The following UNC5D variants were observed in gnomAD, a reference collection of about 807,000 sequenced individuals.
UNC5D encodes the protein netrin receptor UNC5D.
In UNC5D, 39 loss-of-function variants were observed where a neutral mutation model predicts 105.4. The observed-to-expected ratio is 0.37, with a 90% CI of 0.29 to 0.48. The LOEUF is 0.48. Ranked by LOEUF, UNC5D falls within the 20% of genes least tolerant of loss-of-function variation. UNC5D has a pLI of 0.98. For missense variants in UNC5D, 991 were observed against 1,202.4 expected (o/e 0.82, Z 2.60); for synonymous variants, 452 against 450.4 (o/e 1.00, Z -0.04).
At chr8:35,377,787 T>G (rs761863775) in intron 1 of UNC5D, among the ~76,000 whole-genome samples, 1 of 152,218 alleles carries the variant, frequency 6.6e-6, no homozygotes, top group Non-Finnish European at 1.5e-5. Flanking sequence ...GGGTCATATC[T>G]AGACTTTTTA....
intron 7 of UNC5D, among the ~76,000 whole-genome samples, chr8:35,695,348 T>G (rs764586845): frequency 1.3e-5 from 2 of 152,122 alleles, no homozygotes; most frequent in South Asian, 4.1e-4. Flanking sequence ...AATCTTATGA[T>G]TCTAACTAAC....
At chr8:35,424,246 AC>A (rs1406922556) in intron 1 of UNC5D, among the ~76,000 whole-genome samples, 1 of 152,240 alleles carries the variant, frequency 6.6e-6, no homozygotes, top group African/African-American at 2.4e-5. Context: ...CCACATATAT[AC>A]TTTTAAATGT....
intron 1 of UNC5D, among the ~76,000 whole-genome samples, chr8:35,248,107 AT>A (rs1428255134): frequency 1.5e-4 from 11 of 73,052 alleles, no homozygotes; most frequent in African/African-American, 5.4e-4. Flanking sequence ...TATATTATAT[AT>A]AAAAAATATA....
At chr8:35,443,125 C>T (rs1478660023) in intron 1 of UNC5D, among the ~76,000 whole-genome samples, 3 of 151,732 alleles carry the variant, frequency 2.0e-5, no homozygotes, top group Non-Finnish European at 2.9e-5. Context: ...GTCAGGTATC[C>T]GAAGCTTATT....
In UNC5D at chr8:35,367,129, G is replaced by T. The variant is rs531925402; in HGVS notation, c.103+131242G>T. Among the ~76,000 whole-genome samples, 5 of 152,248 alleles carry T rather than the reference G, an allele frequency of 3.3e-5. No individual in the cohort carries two copies. The South Asian group carries it at 1.0e-3, about 32-fold the overall frequency. On this transcript the variant is annotated intron_variant, in intron 1 of 16. Transcript: ENST00000404895. ...GCTGTTCATTGTGAATCTCTCAGGG[G>T]ATATAGTAAAGAGCATTTCCAACTT...
chr8:35,318,053 C>T (rs3108618), intron 1 of UNC5D, among the ~76,000 whole-genome samples: 124,611 of 151,898 alleles, frequency 0.82, 51,570 homozygotes, highest in East Asian at 1. Context: ...GATACTCTGT[C>T]TCTGAAAGGG....
At chr8:35,721,253 T>C (rs1351168030) in intron 8 of UNC5D, among the ~76,000 whole-genome samples, 4 of 152,064 alleles carry the variant, frequency 2.6e-5, no homozygotes, top group Non-Finnish European at 5.9e-5. Context: ...TACACCTCTT[T>C]GAGACTTATA....
chr8:35,495,446 C>G (rs1345203948), intron 1 of UNC5D, among the ~76,000 whole-genome samples: 2 of 55,128 alleles, frequency 3.6e-5, no homozygotes, highest in Non-Finnish European at 8.2e-5. Context: ...AGCTGATGAA[C>G]AACAACAACA....
intron 1 of UNC5D, among the ~76,000 whole-genome samples, chr8:35,410,037 T>G (rs2128957037): frequency 6.6e-6 from 1 of 151,994 alleles, no homozygotes. Context: ...TGGGGAGAAT[T>G]GACACTTGAA....
At position 35,794,777 on chromosome 8, in the gene UNC5D, G is replaced by C. The variant is rs2131831210; in HGVS notation, c.*4214G>C. On this transcript the variant is annotated 3_prime_UTR_variant, in exon 17 of 17. Coordinates refer to ENST00000404895, the MANE Select transcript of UNC5D (RefSeq NM_080872.4). Reference sequence around the variant, plus strand: ...TGTTTTTACAAAAGCAATTCTAGGAGAGCCAGTGTCTACCATGAACTCCTG... The same window carrying C: ...TGTTTTTACAAAAGCAATTCTAGGACAGCCAGTGTCTACCATGAACTCCTG... 6.6e-6 allele frequency: 1 copy of C among 152,440 alleles called. No individual in the cohort carries two copies. The highest frequency in any genetic ancestry group is 1.9e-4 in the East Asian group (1 of 5,176). The allele number at this position is 152,440 out of a possible 1,614,324, so 9.4% of individuals were successfully genotyped here. A position where few individuals can be genotyped will look rare whatever the true frequency, so the allele number is the denominator to read the frequency against.
At chr8:35,696,418 A>G (rs778991366) in intron 7 of UNC5D, among the ~76,000 whole-genome samples, 1 of 151,978 alleles carries the variant, frequency 6.6e-6, no homozygotes, top group Non-Finnish European at 1.5e-5. Context: ...GTAAATTACA[A>G]ATTTTACATT....
intron 1 of UNC5D, among the ~76,000 whole-genome samples, chr8:35,381,224 G>A (rs1803025677): frequency 6.6e-6 from 1 of 152,210 alleles, no homozygotes; most frequent in African/African-American, 2.4e-5. Context: ...ATTTGAATGA[G>A]ATCTGTGTAG....
At chr8:35,640,873 C>A (rs895705722) in intron 4 of UNC5D, among the ~76,000 whole-genome samples, 6 of 151,908 alleles carry the variant, frequency 3.9e-5, no homozygotes, top group Non-Finnish European at 1.5e-5. Context: ...TGTTAGTTTT[C>A]TTCAGTCATT....
intron 1 of UNC5D, among the ~76,000 whole-genome samples, chr8:35,520,752 A>T (rs1399764072): frequency 6.6e-6 from 1 of 152,154 alleles, no homozygotes; most frequent in Non-Finnish European, 1.5e-5. Flanking sequence ...AATCCAACCC[A>T]AAGTGGTGGT....
At chr8:35,384,763 G>A (rs1207397440) in intron 1 of UNC5D, among the ~76,000 whole-genome samples, 2 of 152,308 alleles carry the variant, frequency 1.3e-5, no homozygotes, top group African/African-American at 2.4e-5. Flanking sequence ...AGAGAAGGGC[G>A]GTTGATCTAC....
chr8:35,492,437 G>A (rs1470539601), intron 1 of UNC5D, among the ~76,000 whole-genome samples: 2 of 152,052 alleles, frequency 1.3e-5, no homozygotes, highest in Non-Finnish European at 2.9e-5. Context: ...CCTTAATGAG[G>A]AAAAGCTAAA....
At chr8:35,252,733 G>A (rs1020040834) in intron 1 of UNC5D, among the ~76,000 whole-genome samples, 1 of 152,124 alleles carries the variant, frequency 6.6e-6, no homozygotes, top group African/African-American at 2.4e-5. Context: ...TCGTGTATGT[G>A]TCTAATGGTA....
intron 12 of UNC5D, 63 bp downstream of exon 12, chr8:35,748,758 A>G: frequency 6.5e-7 from 1 of 1,547,842 alleles, no homozygotes; most frequent in African/African-American, 1.4e-5. Flanking sequence ...GGATATATTT[A>G]ACCTTAACAT....
At chr8:35,319,350 C>T (rs1429574662) in intron 1 of UNC5D, among the ~76,000 whole-genome samples, 1 of 152,064 alleles carries the variant, frequency 6.6e-6, no homozygotes, top group Non-Finnish European at 1.5e-5. Context: ...TAGAAATAGA[C>T]CACATTTTGC....
Sources: gnomAD v4.1 joint callset for allele counts (sites outside exome capture counted in the v4.1 genomes callset) on GRCh38, gnomAD v4.1.1 for gene constraint, MANE v1.5 for transcripts, NCBI Gene and HGNC (gene_info 2026-07-23, HGNC 2026-07-21) for gene names.